ADH4: variants seen among roughly 807,000 people sequenced by gnomAD.
ADH4 encodes alcohol dehydrogenase 4 (class II), pi polypeptide, also known as all-trans-retinol dehydrogenase [NAD(+)] ADH4.
Under a neutral mutation model 35.2 loss-of-function variants are expected in ADH4, and 31 were observed. The ratio of observed to expected loss-of-function variants is 0.88; its 90% CI spans 0.66 to 1.19. The LOEUF (loss-of-function observed/expected upper bound fraction) is 1.19. Among genes scored for constraint, ADH4 ranks in the 50% most tolerant of loss-of-function variants. The pLI is 0.00. For missense variants in ADH4, 476 were observed against 458.3 expected (o/e 1.04, Z -0.35); for synonymous variants, 171 against 160.2 (o/e 1.07, Z -0.51).
chr4:99,126,018 A>C (rs994162095), intron 8 of ADH4, among the ~76,000 whole-genome samples: 2 of 152,176 alleles, frequency 1.3e-5, no homozygotes, highest in African/African-American at 4.8e-5. Flanking sequence ...ACCCCTAAGA[A>C]TCTTCCAGGT....
At chr4:99,140,575 CAAA>C (rs1159671645) in intron 3 of ADH4, among the ~76,000 whole-genome samples, 1 of 140,904 alleles carries the variant, frequency 7.1e-6, no homozygotes, top group Non-Finnish European at 1.6e-5. Flanking sequence ...CTGTTTCGAA[CAAA>C]AAAAAAAGTC....
chr4:99,131,857 T>C (rs1729287213), intron 5 of ADH4, 93 bp from the exon 6 acceptor site: 1 of 1,364,124 alleles, frequency 7.3e-7, no homozygotes, highest in Non-Finnish European at 9.8e-7. Context: ...CATGAACATA[T>C]GAATTAAAGA....
chr4:99,143,161 A>G, intron 1 of ADH4: 1 of 701,978 alleles, frequency 1.4e-6, no homozygotes, highest in Non-Finnish European at 2.6e-6. Flanking sequence ...TCACCTCTGA[A>G]TTACCTGAGT....
intron 5 of ADH4, among the ~76,000 whole-genome samples, chr4:99,133,066 A>G (rs1204415772): frequency 6.6e-6 from 1 of 152,196 alleles, no homozygotes; most frequent in Non-Finnish European, 1.5e-5. Context: ...CTCAGTTAAA[A>G]GGAGCCTGTG....
intron 5 of ADH4, among the ~76,000 whole-genome samples, chr4:99,135,274 A>T (rs537010064): frequency 2.4e-4 from 37 of 152,094 alleles, no homozygotes; most frequent in Non-Finnish European, 4.6e-4. Flanking sequence ...ATAAAAAATT[A>T]AAAAAATAGC....
chr4:99,137,696 C>G (rs1381716640), intron 4 of ADH4, among the ~76,000 whole-genome samples: 2 of 152,060 alleles, frequency 1.3e-5, no homozygotes, highest in East Asian at 3.8e-4. Flanking sequence ...CATAATGAAC[C>G]CTTATGTGTC....
At chr4:99,138,919 G>T in intron 4 of ADH4, 142 bp downstream of exon 4, 2 of 562,750 alleles carry the variant, frequency 3.6e-6, no homozygotes, top group South Asian at 5.2e-5. Context: ...GTGTGCACTT[G>T]CAATAGTATC....
At chr4:99,137,036 G>A (rs913626565) in intron 4 of ADH4, among the ~76,000 whole-genome samples, 5 of 151,894 alleles carry the variant, frequency 3.3e-5, no homozygotes, top group Admixed American at 6.5e-5. Context: ...CGCAACCTCC[G>A]CCTTCCGAGT....
intron 1 of ADH4, 140 bp from the exon 2 acceptor site, chr4:99,142,920 G>C (rs951049558): frequency 1.6e-6 from 1 of 613,986 alleles, no homozygotes; most frequent in Non-Finnish European, 2.8e-6. Context: ...AGAGTTTGTA[G>C]CTGGATCTTA....
intron 8 of ADH4, among the ~76,000 whole-genome samples, chr4:99,125,046 C>T (rs29001234): frequency 3.6e-3 from 545 of 152,274 alleles, no homozygotes; most frequent in Middle Eastern, 6.8e-3. Context: ...TGGAAGACAC[C>T]CCTACCTGTA....
At chr4:99,143,815 C>T (rs768500505) in intron 1 of ADH4, among the ~76,000 whole-genome samples, 1 of 152,110 alleles carries the variant, frequency 6.6e-6, no homozygotes, top group Non-Finnish European at 1.5e-5. Context: ...GCAGATTCTT[C>T]GAGTATCCCC....
At chr4:99,143,092 T>G (rs1039537273) in intron 1 of ADH4, 44 of 699,058 alleles carry the variant, frequency 6.3e-5, no homozygotes, top group African/African-American at 6.3e-4. Context: ...GAGAATAGAT[T>G]TATGGAGTTT....
intron 4 of ADH4, among the ~76,000 whole-genome samples, chr4:99,138,806 G>A (rs931925646): frequency 1.3e-5 from 2 of 152,116 alleles, no homozygotes; most frequent in Non-Finnish European, 2.9e-5. Context: ...CTACTACATA[G>A]CAGTTTTAAA....
In ADH4 at chr4:99,124,396, A is replaced by C; in HGVS notation, c.*46T>G. 4.5e-6 allele frequency: 6 copies of C among 1,348,008 alleles called. No homozygotes were observed. Among genetic ancestry groups the C allele is most frequent in the Non-Finnish European group, 6.3e-6 (6 of 956,858 alleles). The allele number at this position is 1,348,008 out of a possible 1,614,324, so 83.5% of individuals were successfully genotyped here. ...AAATCAGGTAATAAATTAACCAGGC[A>C]GGTTCACATTCAATCAGATAGTATT... On this transcript the variant is annotated 3_prime_UTR_variant, in exon 9 of 9. Transcript: ENST00000265512.
At chr4:99,138,838 C>T (rs561671194) in intron 4 of ADH4, among the ~76,000 whole-genome samples, 1 of 152,242 alleles carries the variant, frequency 6.6e-6, no homozygotes, top group African/African-American at 2.4e-5. Context: ...TTCTGATGGA[C>T]ATTTGTGCTG....
chr4:99,124,005 C>T lies in ADH4; in HGVS notation c.*437G>A, dbSNP rs1299567390. Reference sequence around the variant, plus strand: ...CAACAGGCCCCAGTGTGTGTTGTTCCCCATCATGTGTCCATGTGTTCTCAT... The same window carrying T: ...CAACAGGCCCCAGTGTGTGTTGTTCTCCATCATGTGTCCATGTGTTCTCAT... On this transcript the variant is annotated 3_prime_UTR_variant, in exon 9 of 9. Transcript: ENST00000265512. 1 of 173,604 alleles carries T rather than the reference C, an allele frequency of 5.8e-6. No homozygotes were observed. The allele number at this position is 173,604 out of a possible 1,614,324, so 10.8% of individuals were successfully genotyped here. A position where few individuals can be genotyped will look rare whatever the true frequency, so the allele number is the denominator to read the frequency against.
Position 99,137,328 on chromosome 4 carries a change from G to A in ADH4, c.351-631C>T, listed in dbSNP as rs1057284674. Among the ~76,000 whole-genome samples, 8 of 151,734 alleles carry A rather than the reference G, an allele frequency of 5.3e-5. No homozygotes were observed. In the East Asian group the frequency reaches 1.4e-3, roughly 26 times the overall value. On this transcript the variant is annotated intron_variant, in intron 4 of 8. Coordinates refer to ENST00000265512, the MANE Select transcript of ADH4 (RefSeq NM_000670.5). ...TTTTTAGTAGAGATGAGCTTTCATC[G>A]TGTTGGCCAGGCTGGTCTCGAACTC...
At chr4:99,143,852 T>G (rs1729716544) in intron 1 of ADH4, among the ~76,000 whole-genome samples, 1 of 152,226 alleles carries the variant, frequency 6.6e-6, no homozygotes, top group African/African-American at 2.4e-5. Flanking sequence ...CCATAGTATT[T>G]TGTAATATAC....
At chr4:99,137,141 T>A (rs145362758) in intron 4 of ADH4, among the ~76,000 whole-genome samples, 1 of 139,020 alleles carries the variant, frequency 7.2e-6, no homozygotes, top group African/African-American at 2.6e-5. Flanking sequence ...TATTATTTTT[T>A]TTTTGAGACG....
Sources: gnomAD v4.1 joint callset for allele counts (sites outside exome capture counted in the v4.1 genomes callset) on GRCh38, gnomAD v4.1.1 for gene constraint, MANE v1.5 for transcripts, NCBI Gene and HGNC (gene_info 2026-07-23, HGNC 2026-07-21) for gene names.